Variants in PLEKHM3 observed in about 807,000 individuals in gnomAD.
PLEKHM3 encodes the protein pleckstrin homology domain-containing family M member 3.
In PLEKHM3, 45 loss-of-function variants were observed where a neutral mutation model predicts 81.8. The observed-to-expected ratio is 0.55, with a 90% CI of 0.43 to 0.71. The LOEUF (loss-of-function observed/expected upper bound fraction) is 0.71, where lower values mean the gene tolerates loss of function less well. Ranked by LOEUF, PLEKHM3 falls within the 30% of genes least tolerant of loss-of-function variation. The probability of loss-of-function intolerance (pLI) is 0.00; values close to 1 mark genes in which losing one functional copy is unlikely to be tolerated. For missense variants in PLEKHM3, 788 were observed against 924.3 expected, an observed-to-expected ratio of 0.85 and a Z score of 1.91; for synonymous variants, 352 against 356.4, an observed-to-expected ratio of 0.99 and a Z score of 0.14.
intron 6 of PLEKHM3, among the ~76,000 whole-genome samples, chr2:207,869,119 A>C (rs80233950): frequency 6.6e-6 from 1 of 152,202 alleles, no homozygotes; most frequent in Non-Finnish European, 1.5e-5. Context: ...TAAATTAGTC[A>C]TAGGCTAATA....
At chr2:207,865,801 A>ATATATATATATATAT (rs1192139812) in intron 6 of PLEKHM3, among the ~76,000 whole-genome samples, 6 of 25,288 alleles carry the variant, frequency 2.4e-4, no homozygotes, top group African/African-American at 1.3e-3. Flanking sequence ...AAAAAAAAAA[A>ATATATATATATATAT]AGATATATAT....
intron 7 of PLEKHM3, among the ~76,000 whole-genome samples, chr2:207,858,653 A>G (rs987013504): frequency 1.3e-5 from 2 of 151,652 alleles, no homozygotes; most frequent in African/African-American, 2.4e-5. Context: ...GCTAATTTTT[A>G]TATTTTTAGT....
At chr2:207,844,549 A>C (rs1282630882) in intron 7 of PLEKHM3, among the ~76,000 whole-genome samples, 10 of 147,420 alleles carry the variant, frequency 6.8e-5, no homozygotes, top group Non-Finnish European at 1.2e-4. Context: ...CTCGTGATCC[A>C]CCCGCCTAGG....
intron 4 of PLEKHM3, among the ~76,000 whole-genome samples, chr2:207,932,917 C>T (rs552156017): frequency 1.3e-5 from 2 of 152,174 alleles, no homozygotes; most frequent in East Asian, 1.9e-4. Flanking sequence ...ATTTCTCGTA[C>T]ATAAACATAA....
intron 5 of PLEKHM3, among the ~76,000 whole-genome samples, chr2:207,924,008 G>C (rs920525707): frequency 2.1e-5 from 3 of 145,474 alleles, no homozygotes; most frequent in African/African-American, 5.1e-5. Flanking sequence ...TCCCAGGTTC[G>C]AGCGATTCTG....
chr2:207,920,069 G>A (rs189778203), intron 5 of PLEKHM3, among the ~76,000 whole-genome samples: 3 of 152,318 alleles, frequency 2.0e-5, no homozygotes, highest in African/African-American at 4.8e-5. Context: ...TGATATTTCA[G>A]TGGGAACTCC....
intron 5 of PLEKHM3, among the ~76,000 whole-genome samples, chr2:207,924,121 T>C (rs1475826447): frequency 6.6e-6 from 1 of 150,592 alleles, no homozygotes; most frequent in African/African-American, 2.4e-5. Context: ...GCGAGGCTGG[T>C]CTTGAACTCC....
intron 5 of PLEKHM3, among the ~76,000 whole-genome samples, chr2:207,910,457 T>C (rs934933813): frequency 1.3e-5 from 2 of 152,170 alleles, no homozygotes; most frequent in African/African-American, 2.4e-5. Context: ...ATCCTCACAA[T>C]AGCCCTGGAT....
In PLEKHM3 at chr2:207,821,364, A is replaced by G. The variant is rs1036809419; in HGVS notation, c.*6955T>C. 2 of 152,196 alleles carry G rather than the reference A, an allele frequency of 1.3e-5. No individual in the cohort carries two copies. Among genetic ancestry groups the G allele is most frequent in the Non-Finnish European group, 2.9e-5 (2 of 68,038 alleles). The allele number at this position is 152,196 out of a possible 1,614,324, so 9.4% of individuals were successfully genotyped here. On this transcript the variant is annotated 3_prime_UTR_variant, in exon 8 of 8. Coordinates refer to ENST00000427836, the MANE Select transcript of PLEKHM3 (RefSeq NM_001080475.3). Reference sequence around the variant, plus strand: ...GGAACTGGTGCACTTAAATTATGTGACAGATGACCTTAAAAACTAGAGGTA... The same window carrying G: ...GGAACTGGTGCACTTAAATTATGTGGCAGATGACCTTAAAAACTAGAGGTA...
At chr2:207,983,601 A>C (rs903497153) in intron 2 of PLEKHM3, among the ~76,000 whole-genome samples, 1 of 152,078 alleles carries the variant, frequency 6.6e-6, no homozygotes, top group Non-Finnish European at 1.5e-5. Flanking sequence ...AAAAAAAAAA[A>C]AACAGAACTA....
At chr2:207,949,350 C>G (rs781057227) in intron 3 of PLEKHM3, among the ~76,000 whole-genome samples, 3 of 152,156 alleles carry the variant, frequency 2.0e-5, no homozygotes, top group Non-Finnish European at 4.4e-5. Context: ...GAGTTTGAGA[C>G]CAGCCTGAGC....
At chr2:207,891,520 A>G (rs1688059487) in intron 6 of PLEKHM3, among the ~76,000 whole-genome samples, 1 of 152,250 alleles carries the variant, frequency 6.6e-6, no homozygotes, top group African/African-American at 2.4e-5. Flanking sequence ...CTCTCTGCCC[A>G]CAACTATTAT....
At chr2:207,865,659 A>G (rs1367747757) in intron 6 of PLEKHM3, among the ~76,000 whole-genome samples, 1 of 150,378 alleles carries the variant, frequency 6.6e-6, no homozygotes, top group Non-Finnish European at 1.5e-5. Context: ...GTATGCCTGT[A>G]ATCGCAGCTA....
At chr2:207,985,712 C>A (rs555877742) in intron 2 of PLEKHM3, among the ~76,000 whole-genome samples, 1 of 151,942 alleles carries the variant, frequency 6.6e-6, no homozygotes, top group Non-Finnish European at 1.5e-5. Flanking sequence ...TGGCCGGGTG[C>A]GGTGTGGCTC....
At chr2:207,988,753 C>T (rs1691804581) in intron 2 of PLEKHM3, among the ~76,000 whole-genome samples, 1 of 152,222 alleles carries the variant, frequency 6.6e-6, no homozygotes, top group South Asian at 2.1e-4. Flanking sequence ...CATGTGCTTA[C>T]AACGCCTCTT....
intron 1 of PLEKHM3, among the ~76,000 whole-genome samples, chr2:208,023,706 G>A (rs1469006121): frequency 1.3e-5 from 2 of 151,748 alleles, no homozygotes; most frequent in African/African-American, 4.8e-5. Context: ...CCTACTCCCC[G>A]ACCCCACACC....
rs145332378 is a variant in PLEKHM3 at position 207,854,136 on chromosome 2, A to G, written c.2108+6969T>C. On this transcript the variant is annotated intron_variant, in intron 7 of 7. Transcript: ENST00000427836. ...TATTCAAGTGATACTTGGACCTGAA[A>G]GGATATTAGGTATATTTCTGAGGAC... Among the ~76,000 whole-genome samples, 67 of 152,322 alleles carry G rather than the reference A, an allele frequency of 4.4e-4. No homozygotes were observed. The East Asian group carries it at 0.013, about 29-fold the overall frequency.
intron 4 of PLEKHM3, among the ~76,000 whole-genome samples, chr2:207,940,946 T>C (rs1280603051): frequency 6.6e-6 from 1 of 152,184 alleles, no homozygotes. Flanking sequence ...TTTGTAGATA[T>C]TCATATTCAT....
chr2:207,914,298 C>A (rs1688911648), intron 5 of PLEKHM3, among the ~76,000 whole-genome samples: 1 of 151,948 alleles, frequency 6.6e-6, no homozygotes, highest in Non-Finnish European at 1.5e-5. Context: ...GAGTTTGAGA[C>A]CAGCCTGACC....
Sources: allele counts gnomAD v4.1 joint callset (sites outside exome capture counted in the v4.1 genomes callset), GRCh38; gene constraint gnomAD v4.1.1; transcripts MANE v1.5; gene names NCBI Gene and HGNC (gene_info 2026-07-23, HGNC 2026-07-21).